Variants in MRRF observed in about 807,000 individuals in gnomAD.
MRRF encodes ribosome-recycling factor, mitochondrial.
A neutral mutation model predicts 25.1 loss-of-function variants in MRRF; 18 were observed. That is an observed-to-expected ratio of 0.72 (90% CI 0.50 to 1.06). MRRF has a LOEUF of 1.06. Among genes scored for constraint, MRRF ranks in the 50% least tolerant of loss-of-function variants. The pLI is 0.00. For synonymous variants in MRRF, 113 were observed against 112.1 expected (o/e 1.01, Z -0.05); for missense variants, 323 against 319.3 (o/e 1.01, Z -0.09).
chr9:122,285,293 A>T lies in MRRF; in HGVS notation c.459+6A>T. 3 of 1,545,314 alleles carry T rather than the reference A, an allele frequency of 1.9e-6. No individual in the cohort carries two copies. The highest frequency in any genetic ancestry group is 1.8e-6 in the Non-Finnish European group (2 of 1,117,348). ...ATATGGCCAGCTTCCCAGAGGTAAG[A>T]TGGCCTTGCTAAAATCTCTCTCCGT... On this transcript the variant is annotated splice_donor_region_variant and intron_variant, in intron 4 of 6. Coordinates refer to ENST00000344641, the MANE Select transcript of MRRF (RefSeq NM_138777.5).
Position 122,307,432 on chromosome 9 carries a change from C to G in MRRF, c.552-5795C>G, listed in dbSNP as rs1447456748. Among the ~76,000 whole-genome samples, 6 of 152,330 alleles carry G rather than the reference C, an allele frequency of 3.9e-5. 1 individual carries two copies. The highest frequency in any genetic ancestry group is 3.9e-4 in the Admixed American group (6 of 15,304). On this transcript the variant is annotated intron_variant, in intron 5 of 6. Transcript: ENST00000344641. The stretch of plus-strand genomic sequence containing the variant: ...TGTTCCCATTCTGTTTCTCTCTGCT[C>G]ACTATCTGCTCAGTTGCCTAAGCAC...
At chr9:122,266,408 A>G (rs1453246554) in intron 1 of MRRF, among the ~76,000 whole-genome samples, 2 of 152,188 alleles carry the variant, frequency 1.3e-5, no homozygotes, top group Non-Finnish European at 2.9e-5. Flanking sequence ...AACGGAGACA[A>G]ACAGTTAAAG....
At chr9:122,289,325 G>C (rs535991651) in intron 4 of MRRF, among the ~76,000 whole-genome samples, 2 of 152,282 alleles carry the variant, frequency 1.3e-5, no homozygotes, top group South Asian at 4.1e-4. Flanking sequence ...CACTTACCAT[G>C]TACCTGGCAC....
In MRRF at chr9:122,323,991, TC is replaced by T. The variant is rs1836033048; in HGVS notation, c.*1375del. 1.3e-5 allele frequency: 2 copies of T among 152,220 alleles called. No homozygotes were observed. The highest frequency in any genetic ancestry group is 4.8e-5 in the African/African-American group (2 of 41,464). The allele number at this position is 152,220 out of a possible 1,614,324, so 9.4% of individuals were successfully genotyped here. On this transcript the variant is annotated 3_prime_UTR_variant, in exon 7 of 7. Coordinates refer to ENST00000344641, the MANE Select transcript of MRRF (RefSeq NM_138777.5). The stretch of plus-strand genomic sequence containing the variant: ...ACAAACTTTTTTTCCTTTTGTACTT[TC>T]ACACTCAACATGGAACACTTCTGTG...
intron 6 of MRRF, 95 bp downstream of exon 6, chr9:122,313,481 T>A: frequency 7.6e-7 from 1 of 1,319,876 alleles, no homozygotes; most frequent in South Asian, 1.2e-5. Flanking sequence ...AGAATACCTC[T>A]GATCTTTCAT....
intron 5 of MRRF, among the ~76,000 whole-genome samples, chr9:122,311,468 G>A (rs1835203318): frequency 6.6e-6 from 1 of 152,248 alleles, no homozygotes; most frequent in Middle Eastern, 3.4e-3. Flanking sequence ...GATTACATGT[G>A]GAAACTGGTG....
At chr9:122,265,833 T>G in intron 1 of MRRF, 14 of 1,085,468 alleles carry the variant, frequency 1.3e-5, no homozygotes, top group Middle Eastern at 2.3e-4. Flanking sequence ...GCCCTTTCTC[T>G]ACCTGTTAAA....
At chr9:122,310,330 C>T (rs1835125464) in intron 5 of MRRF, among the ~76,000 whole-genome samples, 1 of 152,166 alleles carries the variant, frequency 6.6e-6, no homozygotes, top group South Asian at 2.1e-4. Context: ...GGGCCTCTGC[C>T]TCAGTTTTCT....
In MRRF at chr9:122,285,222, C is replaced by G; in HGVS notation, c.394C>G (p.Gln132Glu). Residue 132 changes from glutamine (Q) to glutamate (E), a missense_variant, in exon 4 of 7, where the codon CAG (glutamine) becomes GAG (glutamate). Transcript: ENST00000344641. The part of the protein sequence containing the change: ...VTADGKLALN[Q>E]ISQISMKSPQ... ...TGCTGACGGGAAGCTTGCTTTAAACCAGATTAGCCAGATCTCCATGAAGTC... is the reference window on the plus strand; with the variant it reads ...TGCTGACGGGAAGCTTGCTTTAAACGAGATTAGCCAGATCTCCATGAAGTC... The G allele has an allele frequency of 6.2e-7, 1 of 1,613,994 alleles. No individual in the cohort carries two copies. Among genetic ancestry groups the G allele is most frequent in the South Asian group, 1.1e-5 (1 of 91,076 alleles).
At chr9:122,291,963 G>GC (rs1241276328) in intron 5 of MRRF, 123 bp downstream of exon 5, 2 of 769,704 alleles carry the variant, frequency 2.6e-6, no homozygotes, top group African/African-American at 3.4e-5. Flanking sequence ...TTTCACCCTG[G>GC]CAAACATCTT....
intron 2 of MRRF, among the ~76,000 whole-genome samples, chr9:122,277,984 A>G (rs1437551400): frequency 1.3e-5 from 2 of 152,094 alleles, no homozygotes; most frequent in Non-Finnish European, 2.9e-5. Flanking sequence ...ACATGCATAA[A>G]TGATTTAAGT....
At chr9:122,302,554 C>T (rs142057976) in intron 5 of MRRF, among the ~76,000 whole-genome samples, 169 of 152,296 alleles carry the variant, frequency 1.1e-3, no homozygotes, top group African/African-American at 3.9e-3. Context: ...TTCTTATTGC[C>T]AAATAATATT....
At chr9:122,266,129 G>A (rs1832067577) in intron 1 of MRRF, among the ~76,000 whole-genome samples, 2 of 152,212 alleles carry the variant, frequency 1.3e-5, no homozygotes, top group Admixed American at 6.5e-5. Flanking sequence ...TGTCTTCTGT[G>A]TTCTGGCAAT....
chr9:122,300,704 A>G (rs1564499405), intron 5 of MRRF, among the ~76,000 whole-genome samples: 2 of 151,834 alleles, frequency 1.3e-5, no homozygotes, highest in African/African-American at 4.8e-5. Flanking sequence ...CTGAAGCCCC[A>G]TGTTCTTTTT....
In MRRF at chr9:122,308,014, A is replaced by G. The variant is rs145962187; in HGVS notation, c.552-5213A>G. ...CTGTTGTGTGAGTTAGCAGTGGGGC[A>G]TGCCCTCTGCTTATTGTTCATAGGA... On this transcript the variant is annotated intron_variant, in intron 5 of 6. Coordinates refer to ENST00000344641, the MANE Select transcript of MRRF (RefSeq NM_138777.5). Among the ~76,000 whole-genome samples, 383 of 152,310 alleles carry G rather than the reference A, an allele frequency of 2.5e-3. 1 individual carries two copies. The highest frequency in any genetic ancestry group is 8.9e-3 in the African/African-American group (369 of 41,564).
chr9:122,270,760 T>C, intron 1 of MRRF, 104 bp from the exon 2 acceptor site: 1 of 835,300 alleles, frequency 1.2e-6, no homozygotes, highest in Non-Finnish European at 2.1e-6. Flanking sequence ...AGTACTTAGC[T>C]CAGTTTATAG....
intron 4 of MRRF, among the ~76,000 whole-genome samples, chr9:122,286,963 A>G (rs1211615576): frequency 6.6e-6 from 1 of 152,158 alleles, no homozygotes; most frequent in African/African-American, 2.4e-5. Flanking sequence ...TTGGTCTTTC[A>G]GTTCCTCAAA....
intron 6 of MRRF, among the ~76,000 whole-genome samples, chr9:122,317,342 G>T (rs1835597184): frequency 6.6e-6 from 1 of 151,946 alleles, no homozygotes; most frequent in Non-Finnish European, 1.5e-5. Context: ...GTTATTCTTT[G>T]TATAAATCCA....
chr9:122,308,894 G>A (rs967616361), intron 5 of MRRF, among the ~76,000 whole-genome samples: 1 of 151,940 alleles, frequency 6.6e-6, no homozygotes, highest in Non-Finnish European at 1.5e-5. Flanking sequence ...GTAGGGATGG[G>A]GTCTCACTGA....
Sources: gnomAD v4.1 joint callset for allele counts (sites outside exome capture counted in the v4.1 genomes callset) on GRCh38, gnomAD v4.1.1 for gene constraint, MANE v1.5 for transcripts, NCBI Gene and HGNC (gene_info 2026-07-23, HGNC 2026-07-21) for gene names.